Variants in DIAPH1 observed in about 807,000 individuals in gnomAD.
DIAPH1 encodes protein diaphanous homolog 1.
Under a neutral mutation model 140.7 loss-of-function variants are expected in DIAPH1, and 46 were observed. The observed-to-expected ratio is 0.33, with a 90% CI of 0.26 to 0.42. DIAPH1 has a LOEUF of 0.42. Ranked by LOEUF, DIAPH1 falls within the 10% of genes least tolerant of loss-of-function variation. The pLI, the probability that DIAPH1 is intolerant of heterozygous loss-of-function variation, is 1.00. For missense variants in DIAPH1, 1,310 were observed against 1,558.7 expected, an observed-to-expected ratio of 0.84 and a Z score of 2.69; for synonymous variants, 565 against 551.6, an observed-to-expected ratio of 1.02 and a Z score of -0.34.
chr5:141,594,697 C>T (rs550566177), intron 1 of DIAPH1, among the ~76,000 whole-genome samples: 38 of 150,750 alleles, frequency 2.5e-4, no homozygotes, highest in Non-Finnish European at 4.4e-4. Flanking sequence ...GAGCCAAGAT[C>T]GAGCCACTGC....
chr5:141,583,601 C>T lies in DIAPH1; in HGVS notation c.417G>A (p.Lys139=), dbSNP rs1298669129. Residue 139 remains lysine, a synonymous_variant, in exon 5 of 28, where the codon AAG becomes AAA. Coordinates refer to ENST00000389054, the MANE Select transcript of DIAPH1 (RefSeq NM_005219.5). ...ACATCATGGCAGACTTAGAGCTCTC[C>T]TTCTGGCTCATGCCCTAGACAGAAG... ...LYTSKAGMSQ[K]ESSKSAMMYI... 4.3e-6 allele frequency: 7 copies of T among 1,614,142 alleles called. No homozygotes were observed. The highest frequency in any genetic ancestry group is 5.9e-6 in the Non-Finnish European group (7 of 1,180,056).
chr5:141,521,346 A>G (rs1470891473), intron 27 of DIAPH1, among the ~76,000 whole-genome samples: 1 of 152,224 alleles, frequency 6.6e-6, no homozygotes, highest in African/African-American at 2.4e-5. Flanking sequence ...GATAAAGTTG[A>G]GTCATTAAAA....
intron 15 of DIAPH1, 50 bp from the exon 16 acceptor site, chr5:141,574,258 A>C: frequency 6.3e-7 from 1 of 1,586,024 alleles, no homozygotes; most frequent in Non-Finnish European, 8.7e-7. Context: ...TTCAGGGACT[A>C]CTGGGACTGG....
intron 27 of DIAPH1, among the ~76,000 whole-genome samples, chr5:141,517,677 C>CG (rs556930233): frequency 2.6e-4 from 39 of 148,370 alleles, no homozygotes; most frequent in African/African-American, 6.0e-4. Context: ...GGTGGCATGG[C>CG]GGGGGGGAGG....
intron 1 of DIAPH1, among the ~76,000 whole-genome samples, chr5:141,613,606 T>C (rs1258764257): frequency 6.6e-6 from 1 of 152,204 alleles, no homozygotes; most frequent in East Asian, 1.9e-4. Context: ...AGGGTACCAT[T>C]CACAGTAAGA....
chr5:141,582,758 T>C (rs960122661), intron 6 of DIAPH1, among the ~76,000 whole-genome samples: 2 of 152,162 alleles, frequency 1.3e-5, no homozygotes, highest in African/African-American at 4.8e-5. Flanking sequence ...TTCAGAAAGA[T>C]TCCAGGAAGT....
chr5:141,594,426 AAAAG>A (rs1275987403), intron 1 of DIAPH1, among the ~76,000 whole-genome samples: 1 of 152,170 alleles, frequency 6.6e-6, no homozygotes, highest in African/African-American at 2.4e-5. Flanking sequence ...GCATACTGCT[AAAAG>A]AAAGAAGCTG....
intron 4 of DIAPH1, 39 bp from the exon 5 acceptor site, chr5:141,583,654 C>T (rs1265062177): frequency 1.9e-6 from 3 of 1,613,090 alleles, no homozygotes; most frequent in African/African-American, 1.3e-5. Flanking sequence ...TAATGGTGGA[C>T]CCAGTCATAA....
intron 1 of DIAPH1, among the ~76,000 whole-genome samples, chr5:141,607,547 A>G (rs1241415562): frequency 6.6e-6 from 1 of 152,264 alleles, no homozygotes; most frequent in East Asian, 1.9e-4. Context: ...AACGGACATC[A>G]ACATGTATTA....
intron 18 of DIAPH1, among the ~76,000 whole-genome samples, chr5:141,546,919 A>G (rs537745280): frequency 6.6e-6 from 1 of 152,222 alleles, no homozygotes; most frequent in South Asian, 2.1e-4. Context: ...AGAGAAAAGT[A>G]ACATCATCTG....
intron 16 of DIAPH1, among the ~76,000 whole-genome samples, chr5:141,572,897 A>C (rs2099895404): frequency 6.6e-6 from 1 of 152,228 alleles, no homozygotes; most frequent in South Asian, 2.1e-4. Flanking sequence ...AATGACTATT[A>C]TCAAACTGTG....
At chr5:141,595,027 G>A (rs2099899094) in intron 1 of DIAPH1, among the ~76,000 whole-genome samples, 1 of 149,040 alleles carries the variant, frequency 6.7e-6, no homozygotes, top group Admixed American at 6.7e-5. Context: ...GGCGACAAGA[G>A]CGAAACTCCA....
chr5:141,526,269 A>G, intron 25 of DIAPH1, 28 bp downstream of exon 25: 2 of 1,614,170 alleles, frequency 1.2e-6, no homozygotes, highest in South Asian at 1.1e-5. Context: ...CCCACAAAAG[A>G]TTCAGTCAGC....
At chr5:141,608,988 C>T (rs1023859893) in intron 1 of DIAPH1, among the ~76,000 whole-genome samples, 2 of 152,094 alleles carry the variant, frequency 1.3e-5, no homozygotes, top group African/African-American at 4.8e-5. Flanking sequence ...GATGTTAGAG[C>T]TGTTCTACTT....
chr5:141,583,443 A>C, intron 5 of DIAPH1, 42 bp downstream of exon 5: 1 of 1,614,224 alleles, frequency 6.2e-7, no homozygotes, highest in Non-Finnish European at 8.5e-7. Context: ...AGTGAAGTCC[A>C]ACATTTGGCT....
At chr5:141,530,586 C>T (rs1423978531) in intron 19 of DIAPH1, among the ~76,000 whole-genome samples, 5 of 152,172 alleles carry the variant, frequency 3.3e-5, no homozygotes, top group African/African-American at 1.2e-4. Flanking sequence ...CTTTCTCCCA[C>T]CCTTCTTGGC....
intron 23 of DIAPH1, among the ~76,000 whole-genome samples, 193 bp downstream of exon 23, chr5:141,528,260 T>C (rs2099887693): frequency 6.6e-6 from 1 of 152,176 alleles, no homozygotes; most frequent in African/African-American, 2.4e-5. Context: ...GAAAGAGTGC[T>C]TCCTATTTCT....
At chr5:141,557,375 T>C (rs559048482) in intron 18 of DIAPH1, among the ~76,000 whole-genome samples, 2 of 152,228 alleles carry the variant, frequency 1.3e-5, no homozygotes, top group African/African-American at 4.8e-5. Context: ...GTTGATTAAG[T>C]TTTTTAAATG....
intron 1 of DIAPH1, among the ~76,000 whole-genome samples, chr5:141,601,251 A>G (rs887567349): frequency 3.0e-4 from 45 of 151,286 alleles, no homozygotes; most frequent in Admixed American, 2.6e-3. Flanking sequence ...AATAAAAATA[A>G]AATAAAAATA....
Sources: allele counts gnomAD v4.1 joint callset (sites outside exome capture counted in the v4.1 genomes callset), GRCh38; gene constraint gnomAD v4.1.1; transcripts MANE v1.5; gene names NCBI Gene and HGNC (gene_info 2026-07-23, HGNC 2026-07-21).